The following SF3B3 variants were observed in gnomAD, a reference collection of about 807,000 sequenced individuals.
The protein encoded by SF3B3 is splicing factor 3b subunit 3, also known as SAP 130.
A neutral mutation model predicts 139.2 loss-of-function variants in SF3B3; 33 were observed. The observed-to-expected ratio is 0.24, with a 90% CI of 0.18 to 0.32. The LOEUF is 0.32. SF3B3 is among the 10% of genes least tolerant of loss of function. The pLI is 1.00. For missense variants in SF3B3, 818 were observed against 1,509.4 expected, an observed-to-expected ratio of 0.54 and a Z score of 7.59; for synonymous variants, 596 against 563.6, an observed-to-expected ratio of 1.06 and a Z score of -0.81.
intron 11 of SF3B3, 129 bp from the exon 12 acceptor site, chr16:70,554,317 G>A: frequency 6.3e-6 from 5 of 793,352 alleles, no homozygotes; most frequent in Non-Finnish European, 1.0e-5. Context: ...GTGTATGTGT[G>A]TATGTGTGTA....
chr16:70,552,750 C>T (rs1377377643), intron 11 of SF3B3, among the ~76,000 whole-genome samples: 1 of 149,724 alleles, frequency 6.7e-6, no homozygotes, highest in East Asian at 1.9e-4. Context: ...GCAATATTAA[C>T]TGAAACAAAA....
Position 70,563,832 on chromosome 16 carries a change from G to T in SF3B3, c.2289-44G>T, listed in dbSNP as rs759998217. On this transcript the variant is annotated intron_variant, in intron 17 of 25. Coordinates refer to ENST00000302516, the MANE Select transcript of SF3B3 (RefSeq NM_012426.5). ...AAGTCTATTTCAACACCAGTTTCTGGGTCCGAGTGAGTATTAAATAACTGC... is the reference window on the plus strand; with the variant it reads ...AAGTCTATTTCAACACCAGTTTCTGTGTCCGAGTGAGTATTAAATAACTGC... 6 of 1,590,454 alleles carry T rather than the reference G, an allele frequency of 3.8e-6. No homozygotes were observed. The African/African-American group carries it at 8.1e-5, about 21-fold the overall frequency.
intron 16 of SF3B3, 151 bp from the exon 17 acceptor site, chr16:70,561,479 C>T (rs1232233975): frequency 4.4e-6 from 3 of 674,224 alleles, no homozygotes; most frequent in South Asian, 1.9e-5. Context: ...TCTCTCTAGC[C>T]CTCTTTTTCT....
At chr16:70,538,079 T>G (rs751972123) in intron 6 of SF3B3, 3 of 670,088 alleles carry the variant, frequency 4.5e-6, no homozygotes, top group Non-Finnish European at 8.4e-6. Context: ...AGTTTTTGCC[T>G]TATGAATCTG....
chr16:70,543,287 G>C (rs938177959), intron 9 of SF3B3, among the ~76,000 whole-genome samples: 6 of 151,952 alleles, frequency 3.9e-5, no homozygotes, highest in African/African-American at 1.5e-4. Flanking sequence ...GCGCATGCCT[G>C]TAATCGCAGC....
intron 10 of SF3B3, among the ~76,000 whole-genome samples, chr16:70,547,484 A>C (rs541182531): frequency 2.1e-4 from 32 of 152,314 alleles, no homozygotes; most frequent in African/African-American, 7.7e-4. Flanking sequence ...GTTTACTCTT[A>C]TGTTTGAGAA....
At chr16:70,554,704 G>A in intron 12 of SF3B3, 107 bp downstream of exon 12, 4 of 1,155,254 alleles carry the variant, frequency 3.5e-6, no homozygotes, top group Non-Finnish European at 4.9e-6. Flanking sequence ...CTTCCAGCAA[G>A]CCTTAGGGGT....
intron 11 of SF3B3, among the ~76,000 whole-genome samples, chr16:70,552,246 C>T (rs561392213): frequency 1.3e-5 from 2 of 152,248 alleles, no homozygotes; most frequent in Admixed American, 1.3e-4. Context: ...TGTTGTTTGG[C>T]TTTAATTTGC....
chr16:70,543,925 C>G (rs1049610232), intron 9 of SF3B3, among the ~76,000 whole-genome samples: 2 of 151,890 alleles, frequency 1.3e-5, no homozygotes, highest in Non-Finnish European at 2.9e-5. Flanking sequence ...ACAGTTACGA[C>G]TCACTGTAGC....
chr16:70,556,757 A>C, intron 14 of SF3B3, 129 bp from the exon 15 acceptor site: 55 of 812,204 alleles, frequency 6.8e-5, no homozygotes, highest in Non-Finnish European at 7.5e-5. Context: ...CTCTCTTAGA[A>C]CTCACTCCCC....
At chr16:70,551,781 T>C (rs1308861075) in intron 11 of SF3B3, among the ~76,000 whole-genome samples, 1 of 152,170 alleles carries the variant, frequency 6.6e-6, no homozygotes, top group East Asian at 1.9e-4. Context: ...TGAACTCAAA[T>C]GATCCTCCCT....
intron 5 of SF3B3, among the ~76,000 whole-genome samples, chr16:70,533,943 G>A (rs535228938): frequency 6.6e-6 from 1 of 152,332 alleles, no homozygotes; most frequent in African/African-American, 2.4e-5. Flanking sequence ...TATGTGCTAA[G>A]TCAGTCTGCT....
At position 70,523,852 on chromosome 16, in the gene SF3B3, G is replaced by T. The variant is rs1269881482; in HGVS notation, c.-147G>T. 7.7e-6 allele frequency: 4 copies of T among 516,470 alleles called. No individual in the cohort carries two copies. Among genetic ancestry groups the T allele is most frequent in the African/African-American group, 5.9e-5 (3 of 50,764 alleles). 32.0% of individuals were successfully genotyped at this position (516,470 alleles called of 1,614,324 possible). ...GAGGTCTAATGGCGGACGCCAGTAT[G>T]TTGGAGTTGGTGGTGGCTTAAGTTT... On this transcript the variant is annotated 5_prime_UTR_variant, in exon 1 of 26. An upstream start codon of the reference 5' UTR is lost. Transcript: ENST00000302516.
intron 2 of SF3B3, among the ~76,000 whole-genome samples, chr16:70,528,162 CT>C (rs760087242): frequency 0.12 from 15,182 of 122,234 alleles, 2,262 homozygotes; most frequent in African/African-American, 0.41. Flanking sequence ...GAGAAGTTTT[CT>C]TTTTTTTTTT....
intron 2 of SF3B3, among the ~76,000 whole-genome samples, chr16:70,528,626 A>G (rs1296120877): frequency 6.7e-6 from 1 of 149,272 alleles, no homozygotes; most frequent in East Asian, 2.0e-4. Context: ...CACCTGACTA[A>G]TTTTTTTTTG....
rs757213454 is a variant in SF3B3, at chr16:70,571,864, C to G, written c.*51C>G. ...CAGAGACTGTGTGTTTTGTTTCCCC[C>G]ACCACCATCACTGCCACCTGGCTTC... is the stretch of plus-strand genomic sequence containing the variant. On this transcript the variant is annotated 3_prime_UTR_variant, in exon 26 of 26. Transcript: ENST00000302516. 6.4e-7 allele frequency: 1 copy of G among 1,561,744 alleles called. No homozygotes were observed. The highest frequency in any genetic ancestry group is 8.7e-7 in the Non-Finnish European group (1 of 1,155,260).
chr16:70,530,790 C>G lies in SF3B3; in HGVS notation c.443C>G (p.Ala148Gly). Residue 148 changes from alanine to glycine, a missense_variant, in exon 4 of 26, where the codon GCT becomes GGT. Physicochemically the swap from Ala to Gly is moderately conservative, Grantham distance 60. Transcript: ENST00000302516. ...QKLVYILNRD[A>G]AARLTISSPL... ...TTGGTGTATATTTTGAACAGAGATG[C>G]TGCAGCCCGACTTACCATTTCATCT... 1 of 1,614,080 alleles carries G rather than the reference C, an allele frequency of 6.2e-7. No homozygotes were observed. Among genetic ancestry groups the G allele is most frequent in the Non-Finnish European group, 8.5e-7 (1 of 1,179,984 alleles).
At chr16:70,538,907 A>G (rs182882105) in intron 7 of SF3B3, among the ~76,000 whole-genome samples, 197 bp from the exon 8 acceptor site, 146 of 152,310 alleles carry the variant, frequency 9.6e-4, no homozygotes, top group African/African-American at 3.2e-3. Context: ...CTCCGTCTCA[A>G]TTACTCAACT....
At position 70,570,066 on chromosome 16, in the gene SF3B3, C is replaced by G. The variant is rs746568855; in HGVS notation, c.3325C>G (p.Leu1109Val). The change falls in exon 24 of 26, where the codon CTG (leucine) becomes GTG (valine). Residue 1109 changes from leucine (L) to valine (V), a missense_variant. Transcript: ENST00000302516. ...GGTGCTGTCCTTGCAGAAGACCACG[C>G]TGATCCCTGGAGGCTCAGAATCACT... is the stretch of plus-strand genomic sequence containing the variant. The part of the protein sequence containing the change: ...ETVLSLQKTT[L>V]IPGGSESLVY... 1 of 1,614,004 alleles carries G rather than the reference C, an allele frequency of 6.2e-7. No homozygotes were observed. The highest frequency in any genetic ancestry group is 8.5e-7 in the Non-Finnish European group (1 of 1,180,030).
Sources: gnomAD v4.1 joint callset for allele counts (sites outside exome capture counted in the v4.1 genomes callset) on GRCh38, gnomAD v4.1.1 for gene constraint, MANE v1.5 for transcripts, NCBI Gene and HGNC (gene_info 2026-07-23, HGNC 2026-07-21) for gene names.